The following SLC1A3 variants were observed in gnomAD, a reference collection of about 807,000 sequenced individuals.
SLC1A3 encodes the protein solute carrier family 1 member 3, also known as excitatory amino acid transporter 1.
Under a neutral mutation model 48.1 loss-of-function variants are expected in SLC1A3, and 21 were observed. The observed-to-expected ratio is 0.44, with a 90% CI of 0.31 to 0.63. SLC1A3 has a LOEUF of 0.63. Among genes scored for constraint, SLC1A3 ranks in the 20% least tolerant of loss-of-function variants. The probability of loss-of-function intolerance (pLI) is 0.08; values close to 1 mark genes in which losing one functional copy is unlikely to be tolerated. For missense variants in SLC1A3, 546 were observed against 689.0 expected, an observed-to-expected ratio of 0.79 and a Z score of 2.32; for synonymous variants, 239 against 251.4, an observed-to-expected ratio of 0.95 and a Z score of 0.47.
At chr5:36,651,174 T>C (rs981546217) in intron 3 of SLC1A3, among the ~76,000 whole-genome samples, 2 of 128,894 alleles carry the variant, frequency 1.6e-5, no homozygotes, top group Admixed American at 1.6e-4. Context: ...AAAGGAAATA[T>C]AGAAACTAGG....
At chr5:36,640,976 A>AACACACACACACATACAC (rs917665488) in intron 3 of SLC1A3, among the ~76,000 whole-genome samples, 21 of 151,564 alleles carry the variant, frequency 1.4e-4, no homozygotes, top group African/African-American at 4.8e-4. Flanking sequence ...TTAATGCCCC[A>AACACACACACACATACAC]ACACACACAC....
At position 36,687,742 on chromosome 5, in the gene SLC1A3, T is replaced by C. The variant is rs1054119319; in HGVS notation, c.*1473T>C. 5.9e-5 allele frequency: 9 copies of C among 152,624 alleles called. No individual in the cohort carries two copies. The highest frequency in any genetic ancestry group is 2.2e-4 in the African/African-American group (9 of 41,448). The allele number at this position is 152,624 out of a possible 1,614,324, so 9.5% of individuals were successfully genotyped here. A position where few individuals can be genotyped will look rare whatever the true frequency, so the allele number is the denominator to read the frequency against. On this transcript the variant is annotated 3_prime_UTR_variant, in exon 10 of 10. Transcript: ENST00000265113. ...AGAAATGGTAGAAGATGAATCAGTA[T>C]GAAGACACTGTCAATGAGGTTATGA...
At chr5:36,667,855 T>A (rs774065529) in intron 3 of SLC1A3, 2 of 152,202 alleles carry the variant, frequency 1.3e-5, no homozygotes, top group Non-Finnish European at 2.9e-5. Context: ...AATAAAGATG[T>A]CATGATGTCT....
At chr5:36,636,988 T>A (rs532659656) in intron 3 of SLC1A3, among the ~76,000 whole-genome samples, 40 of 152,328 alleles carry the variant, frequency 2.6e-4, no homozygotes, top group African/African-American at 9.4e-4. Flanking sequence ...TTGTGTTATT[T>A]GGCACAATTA....
At chr5:36,607,942 A>G (rs1157630199) in intron 1 of SLC1A3, among the ~76,000 whole-genome samples, 1 of 152,176 alleles carries the variant, frequency 6.6e-6, no homozygotes, top group East Asian at 1.9e-4. Flanking sequence ...TTGTCAAGTA[A>G]TGATTGAATA....
intron 2 of SLC1A3, chr5:36,609,195 T>TA: frequency 1.0e-6 from 1 of 982,660 alleles, no homozygotes; most frequent in Non-Finnish European, 1.2e-6. Context: ...CATAACCAGC[T>TA]ATACCTTTTT....
At position 36,687,402 on chromosome 5, in the gene SLC1A3, A is replaced by T. The variant is rs1288421504; in HGVS notation, c.*1133A>T. The stretch of plus-strand genomic sequence containing the variant: ...AGGTCTTCTTTAAGGAAGAATAAAA[A>T]AGAAGAGGTTCATTTTTCTGGCTTT... On this transcript the variant is annotated 3_prime_UTR_variant, in exon 10 of 10. Transcript: ENST00000265113. 6.6e-6 allele frequency: 1 copy of T among 152,238 alleles called. No homozygotes were observed. Among genetic ancestry groups the T allele is most frequent in the African/African-American group, 2.4e-5 (1 of 41,454 alleles). 9.4% of individuals were successfully genotyped at this position (152,238 alleles called of 1,614,324 possible). A position where few individuals can be genotyped will look rare whatever the true frequency, so the allele number is the denominator to read the frequency against.
chr5:36,657,418 T>G (rs948076389), intron 3 of SLC1A3, among the ~76,000 whole-genome samples: 5 of 152,238 alleles, frequency 3.3e-5, no homozygotes, highest in African/African-American at 1.2e-4. Context: ...TCTTTGAATC[T>G]GGCTGAATAT....
intron 2 of SLC1A3, among the ~76,000 whole-genome samples, chr5:36,611,194 G>A (rs1436173421): frequency 2.0e-5 from 3 of 149,418 alleles, no homozygotes; most frequent in African/African-American, 4.9e-5. Flanking sequence ...GGAAGAAGGA[G>A]ATAATTATTT....
At chr5:36,607,068 A>G (rs1738977356) in intron 1 of SLC1A3, 1 of 151,960 alleles carries the variant, frequency 6.6e-6, no homozygotes, top group Admixed American at 6.6e-5. Flanking sequence ...GGTCTCTCCT[A>G]TTTCCCGGTC....
upstream of SLC1A3, among the ~76,000 whole-genome samples, chr5:36,602,582 G>A (rs954661724): frequency 6.6e-6 from 1 of 152,174 alleles, no homozygotes; most frequent in Admixed American, 6.5e-5. Context: ...CATGTGTGAA[G>A]CCTTCATTAA....
At position 36,671,096 on chromosome 5, in the gene SLC1A3, T is replaced by A; in HGVS notation, c.387T>A (p.Thr129=). The part of the protein sequence containing the change: ...MGMRAVVYYM[T]TTIIAVVIGI... The stretch of plus-strand genomic sequence containing the variant: ...TGCGAGCTGTAGTCTATTATATGAC[T>A]ACCACCATCATTGCTGTGGTGATTG... Residue 129 remains threonine, a synonymous_variant, in exon 4 of 10, where the codon ACT becomes ACA. Coordinates refer to ENST00000265113, the MANE Select transcript of SLC1A3 (RefSeq NM_004172.5). 6.2e-7 allele frequency: 1 copy of A among 1,613,558 alleles called. No homozygotes were observed. The highest frequency in any genetic ancestry group is 8.5e-7 in the Non-Finnish European group (1 of 1,179,456).
intron 3 of SLC1A3, among the ~76,000 whole-genome samples, chr5:36,640,849 CA>C (rs1170807592): frequency 4.6e-5 from 7 of 152,138 alleles, no homozygotes; most frequent in Admixed American, 1.3e-4. Context: ...CTGCCACCCC[CA>C]CCTACACCCA....
At chr5:36,651,034 G>GT (rs3836803) in intron 3 of SLC1A3, among the ~76,000 whole-genome samples, 3,641 of 151,478 alleles carry the variant, frequency 0.024, 48 homozygotes, top group East Asian at 0.089. Context: ...TATGAAGATG[G>GT]TGAGTGCATG....
chr5:36,610,091 A>G (rs925627480), intron 2 of SLC1A3, among the ~76,000 whole-genome samples: 2 of 152,210 alleles, frequency 1.3e-5, no homozygotes, highest in Non-Finnish European at 2.9e-5. Context: ...CTGACTGTGG[A>G]GAGATCAAGC....
intron 2 of SLC1A3, among the ~76,000 whole-genome samples, chr5:36,627,037 A>C (rs1739931442): frequency 6.6e-6 from 1 of 152,170 alleles, no homozygotes; most frequent in Admixed American, 6.5e-5. Flanking sequence ...AATGCAAAAC[A>C]CCTGTACATG....
chr5:36,672,784 T>A (rs766125731), intron 4 of SLC1A3, among the ~76,000 whole-genome samples: 3 of 152,240 alleles, frequency 2.0e-5, no homozygotes, highest in Non-Finnish European at 4.4e-5. Context: ...CAAGCCACCC[T>A]ATAACATTAT....
intron 3 of SLC1A3, among the ~76,000 whole-genome samples, chr5:36,653,365 G>A (rs948161575): frequency 1.1e-4 from 16 of 152,080 alleles, no homozygotes; most frequent in African/African-American, 3.9e-4. Context: ...AATGTGTGGC[G>A]GTGTTCACAT....
chr5:36,680,551 C>T lies in SLC1A3; in HGVS notation c.1251C>T (p.Asn417=). 6.2e-7 allele frequency: 1 copy of T among 1,614,168 alleles called. No individual in the cohort carries two copies. The change falls in exon 8 of 10, where the codon AAC becomes AAT. Residue 417 remains asparagine, a synonymous_variant. Coordinates refer to ENST00000265113, the MANE Select transcript of SLC1A3 (RefSeq NM_004172.5). ...ALAAIFIAQV[N]NFELNFGQII... is the part of the protein sequence containing the mutation. ...CTGCCATTTTCATTGCTCAAGTTAA[C>T]AACTTTGAACTGAACTTCGGACAAA...
Sources: gnomAD v4.1 joint callset for allele counts (sites outside exome capture counted in the v4.1 genomes callset) on GRCh38, gnomAD v4.1.1 for gene constraint, MANE v1.5 for transcripts, NCBI Gene and HGNC (gene_info 2026-07-23, HGNC 2026-07-21) for gene names.